Variants in PCDHGA4 observed in about 807,000 individuals in gnomAD.
The protein encoded by PCDHGA4 is protocadherin gamma subfamily A, 4, also known as protocadherin gamma-A4.
Under a neutral mutation model 54.6 loss-of-function variants are expected in PCDHGA4, and 38 were observed. The ratio of observed to expected loss-of-function variants is 0.70; its 90% CI spans 0.54 to 0.91. The LOEUF is 0.91. Ranked by LOEUF, PCDHGA4 falls within the 40% of genes least tolerant of loss-of-function variation. The pLI, the probability that PCDHGA4 is intolerant of heterozygous loss-of-function variation, is 0.00. For missense variants in PCDHGA4, 1,298 were observed against 1,220.9 expected (o/e 1.06, Z -0.94); for synonymous variants, 511 against 512.9 (o/e 1.00, Z 0.05).
chr5:141,404,838 C>T (rs1561696680), intron 1 of PCDHGA4: 1 of 1,613,850 alleles, frequency 6.2e-7, no homozygotes, highest in East Asian at 2.2e-5. Flanking sequence ...GTGCGCACAG[C>T]TCGGGCCCTG....
intron 1 of PCDHGA4, chr5:141,418,882 C>G: frequency 1.2e-6 from 2 of 1,613,960 alleles, no homozygotes; most frequent in Non-Finnish European, 1.7e-6. Flanking sequence ...TAGACGAAAA[C>G]GACAACAGCC....
At chr5:141,376,005 G>A (rs1265900699) in intron 1 of PCDHGA4, 1 of 1,613,430 alleles carries the variant, frequency 6.2e-7, no homozygotes, top group Non-Finnish European at 8.5e-7. Flanking sequence ...CTCAAGCAGA[G>A]CCTAGTGGTG....
chr5:141,502,468 C>A (rs1007796183), intron 2 of PCDHGA4, among the ~76,000 whole-genome samples: 6 of 151,190 alleles, frequency 4.0e-5, no homozygotes, highest in Non-Finnish European at 8.8e-5. Flanking sequence ...GGAATACTTC[C>A]CGCAGCATCA....
rs1439786491 is a variant in PCDHGA4 at position 141,399,634 on chromosome 5, A to G, written c.2514+42013A>G. 9 of 1,613,742 alleles carry G rather than the reference A, an allele frequency of 5.6e-6. No individual in the cohort carries two copies. The highest frequency in any genetic ancestry group is 1.3e-5 in the African/African-American group (1 of 74,954). On this transcript the variant is annotated intron_variant, in intron 1 of 3. Transcript: ENST00000571252. ...TCTGGCACTGGCCTCTTACGTGTCC[A>G]TGAGCGCGCAAAGTGGGGTGGTGTT...
At chr5:141,475,512 C>A (rs2099364350) in intron 1 of PCDHGA4, among the ~76,000 whole-genome samples, 2 of 152,326 alleles carry the variant, frequency 1.3e-5, no homozygotes, top group South Asian at 4.1e-4. Context: ...AATGTCTCCA[C>A]GGAAATGCTA....
intron 1 of PCDHGA4, among the ~76,000 whole-genome samples, chr5:141,397,411 T>G (rs1464488353): frequency 6.6e-6 from 1 of 152,210 alleles, no homozygotes; most frequent in East Asian, 1.9e-4. Context: ...AAAATAGTTT[T>G]AAATAGTATA....
intron 1 of PCDHGA4, chr5:141,408,720 A>G (rs1325828281): frequency 6.2e-7 from 1 of 1,611,214 alleles, no homozygotes; most frequent in African/African-American, 1.3e-5. Context: ...TATAAGATAA[A>G]CTCTAATCCT....
chr5:141,358,755 C>A (rs926855640), intron 1 of PCDHGA4, among the ~76,000 whole-genome samples: 2 of 152,168 alleles, frequency 1.3e-5, no homozygotes, highest in African/African-American at 2.4e-5. Context: ...CTCTTGTCAT[C>A]ATGTGAGCCT....
At position 141,431,274 on chromosome 5, in the gene PCDHGA4, TC is replaced by T. The variant is rs767658803; in HGVS notation, c.2515-63532del. On this transcript the variant is annotated intron_variant, in intron 1 of 3. Transcript: ENST00000571252. The surrounding 1 kb of genome is among the most constrained non-coding windows in gnomAD (Gnocchi z 4.8). ...AAGAACTCTCTGCAGAGCTACGAGC[TC>T]AGCCCGAACACTCACTTCTCCCTCA... 6 of 1,614,128 alleles carry T rather than the reference TC, an allele frequency of 3.7e-6. No homozygotes were observed. Among genetic ancestry groups the T allele is most frequent in the Non-Finnish European group, 5.1e-6 (6 of 1,180,024 alleles).
chr5:141,368,302 A>G lies in PCDHGA4; in HGVS notation c.2514+10681A>G, dbSNP rs948478574. On this transcript the variant is annotated intron_variant, in intron 1 of 3. Transcript: ENST00000571252. The stretch of plus-strand genomic sequence containing the variant: ...ACCACTTGATTTTTATTTTTTAAAC[A>G]CTGTTAAAGAGCATTCAAGTATATC... 7.9e-5 allele frequency among the ~76,000 whole-genome samples: 12 copies of G among 152,282 alleles called. No individual in the cohort carries two copies. In the East Asian group the frequency reaches 2.3e-3, roughly 29 times the overall value.
chr5:141,448,786 A>C (rs1354591718), intron 1 of PCDHGA4, among the ~76,000 whole-genome samples: 1 of 148,848 alleles, frequency 6.7e-6, no homozygotes, highest in African/African-American at 2.5e-5. Flanking sequence ...TAAAAATACA[A>C]AAAAAAAAAT....
chr5:141,356,183 G>A lies in PCDHGA4; in HGVS notation c.1076G>A (p.Arg359Gln), dbSNP rs368314579. 5.8e-5 allele frequency: 94 copies of A among 1,611,184 alleles called. No homozygotes were observed. Among genetic ancestry groups the A allele is most frequent in the Non-Finnish European group, 7.6e-5 (89 of 1,178,602 alleles). The change falls in exon 1 of 4, where the codon CGA becomes CAA. Residue 359 changes from arginine to glutamine, a missense_variant. Arg to Gln is a conservative substitution (Grantham distance 43). Transcript: ENST00000571252. The stretch of plus-strand genomic sequence containing the variant: ...GAAGCCCATGATGGGCCTGGTCTCC[G>A]AGCTAGAAGCAAGGTACTGGTGACA... Reference protein sequence around the residue: ...DVEAHDGPGLRARSKVLVTVL... With the variant: ...DVEAHDGPGLQARSKVLVTVL...
intron 2 of PCDHGA4, among the ~76,000 whole-genome samples, chr5:141,501,032 C>A (rs1370625012): frequency 6.6e-6 from 1 of 151,976 alleles, no homozygotes; most frequent in Non-Finnish European, 1.5e-5. Context: ...CCACGCCCAG[C>A]TAATTTTTGT....
chr5:141,491,119 G>A lies in PCDHGA4; in HGVS notation c.2515-3688G>A. 6.2e-7 allele frequency: 1 copy of A among 1,614,216 alleles called. No individual in the cohort carries two copies. The highest frequency in any genetic ancestry group is 1.1e-5 in the South Asian group (1 of 91,086). ...GTTCCTCGTGTCTACACACACTGGT[G>A]AGGTGCGCACAGCCCGGGCCTTACT... On this transcript the variant is annotated intron_variant, in intron 1 of 3. Transcript: ENST00000571252. The surrounding 1 kb of genome is among the most constrained non-coding windows in gnomAD (Gnocchi z 6.9).
chr5:141,418,980 A>T, intron 1 of PCDHGA4: 1 of 1,614,004 alleles, frequency 6.2e-7, no homozygotes. Flanking sequence ...ACACGGGACC[A>T]AGACTCAGGG....
chr5:141,393,043 T>C (rs770560068), intron 1 of PCDHGA4: 1 of 1,613,732 alleles, frequency 6.2e-7, no homozygotes, highest in South Asian at 1.1e-5. Context: ...CTCTTTGCTC[T>C]GAACCCGCGC....
chr5:141,417,871 C>T (rs1317007566), intron 1 of PCDHGA4: 1 of 1,554,006 alleles, frequency 6.4e-7, no homozygotes, highest in African/African-American at 1.4e-5. Context: ...TGGGAGGGAG[C>T]TGCGCGCAGA....
At chr5:141,379,717 G>A (rs1775773176) in intron 1 of PCDHGA4, 1 of 152,104 alleles carries the variant, frequency 6.6e-6, no homozygotes, top group Non-Finnish European at 1.5e-5. Context: ...GGCAGTCATG[G>A]AATTTGCTAA....
Position 141,394,314 on chromosome 5 carries a change from CT to C in PCDHGA4, c.2514+36694del, listed in dbSNP as rs772070804. On this transcript the variant is annotated intron_variant, in intron 1 of 3. Transcript: ENST00000571252. ...CGAGGACACGCTGCAGGGGGCGCCC[CT>C]GTCCTCGTATATCTCCATCAACTCT... 4.3e-6 allele frequency: 7 copies of C among 1,614,038 alleles called. 1 individual carries two copies. Among genetic ancestry groups the C allele is most frequent in the East Asian group, 4.5e-5 (2 of 44,882 alleles).
Sources: gnomAD v4.1 joint callset for allele counts (sites outside exome capture counted in the v4.1 genomes callset) on GRCh38, gnomAD v4.1.1 for gene constraint, Gnocchi (gnomAD v3.1) non-coding constraint, MANE v1.5 for transcripts, NCBI Gene and HGNC (gene_info 2026-07-23, HGNC 2026-07-21) for gene names.